The following ACTN4 variants were observed in gnomAD, a reference collection of about 807,000 sequenced individuals.
The protein encoded by ACTN4 is alpha-actinin-4.
Under a neutral mutation model 114.2 loss-of-function variants are expected in ACTN4, and 18 were observed. That is an observed-to-expected ratio of 0.16 (90% CI 0.11 to 0.23). The LOEUF is 0.23. Among genes scored for constraint, ACTN4 ranks in the 10% least tolerant of loss-of-function variants. The pLI is 1.00. For missense variants in ACTN4, 722 were observed against 1,262.9 expected, an observed-to-expected ratio of 0.57 and a Z score of 6.49; for synonymous variants, 515 against 506.3, an observed-to-expected ratio of 1.02 and a Z score of -0.23.
At chr19:38,718,233 ATGC>A (rs988559730) in intron 11 of ACTN4, 159 bp downstream of exon 11, 14 of 1,303,954 alleles carry the variant, frequency 1.1e-5, no homozygotes, top group Non-Finnish European at 4.3e-6. Flanking sequence ...TGTGTCAGAA[ATGC>A]TGCTTTAGAG....
At chr19:38,720,201 G>C (rs1053671903) in intron 11 of ACTN4, among the ~76,000 whole-genome samples, 1 of 152,240 alleles carries the variant, frequency 6.6e-6, no homozygotes, top group Non-Finnish European at 1.5e-5. Context: ...AGCCCGCAGC[G>C]GGAGGGTCGT....
chr19:38,695,840 C>T (rs1968074213), intron 1 of ACTN4, among the ~76,000 whole-genome samples: 1 of 148,754 alleles, frequency 6.7e-6, no homozygotes, highest in Non-Finnish European at 1.5e-5. Flanking sequence ...CTTGGTGCCC[C>T]CCCACCCCGC....
intron 1 of ACTN4, among the ~76,000 whole-genome samples, chr19:38,695,076 T>C (rs1968050697): frequency 6.6e-6 from 1 of 152,208 alleles, no homozygotes; most frequent in Non-Finnish European, 1.5e-5. Flanking sequence ...GGTTTTGCCA[T>C]GTTGCCTAGG....
chr19:38,693,274 C>T (rs1020595725), intron 1 of ACTN4, among the ~76,000 whole-genome samples: 1 of 152,176 alleles, frequency 6.6e-6, no homozygotes, highest in Non-Finnish European at 1.5e-5. Flanking sequence ...CATGCTCACC[C>T]CTCCTGAGGG....
Position 38,681,109 on chromosome 19 carries a change from G to A in ACTN4, c.163-19491G>A, listed in dbSNP as rs578198775. Among the ~76,000 whole-genome samples, 28 of 121,402 alleles carry A rather than the reference G, an allele frequency of 2.3e-4. No individual in the cohort carries two copies. The Admixed American group carries it at 2.7e-3, about 12-fold the overall frequency. The allele number at this position is 121,402 out of a possible 152,430, so 79.6% of individuals were successfully genotyped here. On this transcript the variant is annotated intron_variant, in intron 1 of 20. Coordinates refer to ENST00000252699, the MANE Select transcript of ACTN4 (RefSeq NM_004924.6). ...CCACTGTACTCTAGCCTGGGTGACAGAGTGAGACTCCAATCTCTAGAAAAA... is the reference window on the plus strand; with the variant it reads ...CCACTGTACTCTAGCCTGGGTGACAAAGTGAGACTCCAATCTCTAGAAAAA...
At chr19:38,666,344 G>A (rs1328312517) in intron 1 of ACTN4, among the ~76,000 whole-genome samples, 2 of 152,218 alleles carry the variant, frequency 1.3e-5, no homozygotes, top group Admixed American at 6.5e-5. Flanking sequence ...ATGTTACAAC[G>A]GAGTGACAAC....
At chr19:38,660,977 G>T (rs1246078286) in intron 1 of ACTN4, among the ~76,000 whole-genome samples, 1 of 151,994 alleles carries the variant, frequency 6.6e-6, no homozygotes, top group Non-Finnish European at 1.5e-5. Flanking sequence ...CTTAACGGAT[G>T]AGAAAGAGAG....
chr19:38,659,065 C>CTTTTTTCTT (rs1976797290), intron 1 of ACTN4, among the ~76,000 whole-genome samples: 3 of 111,692 alleles, frequency 2.7e-5, no homozygotes, highest in Non-Finnish European at 3.6e-5. Context: ...CTTTTCTTTT[C>CTTTTTTCTT]TTTTTTTTTT....
intron 8 of ACTN4, 26 bp from the exon 9 acceptor site, chr19:38,714,442 CA>C: frequency 6.2e-7 from 1 of 1,610,446 alleles, no homozygotes; most frequent in Admixed American, 1.7e-5. Context: ...AGCCCCCAGG[CA>C]GCCCTGACTG....
At chr19:38,687,653 A>T (rs968895833) in intron 1 of ACTN4, among the ~76,000 whole-genome samples, 1 of 152,252 alleles carries the variant, frequency 6.6e-6, no homozygotes, top group African/African-American at 2.4e-5. Context: ...TCAGATACCT[A>T]AATGTAAGAG....
intron 5 of ACTN4, 43 bp downstream of exon 5, chr19:38,706,174 C>G: frequency 6.3e-7 from 1 of 1,584,416 alleles, no homozygotes; most frequent in Middle Eastern, 1.7e-4. Flanking sequence ...CTCTAGGAAC[C>G]TGAGATCCTT....
intron 6 of ACTN4, 115 bp downstream of exon 6, chr19:38,708,310 C>T (rs1203243349): frequency 6.9e-6 from 8 of 1,163,896 alleles, no homozygotes; most frequent in Middle Eastern, 2.7e-4. Flanking sequence ...GGGTTCTGCA[C>T]GCAGATGGGC....
Position 38,717,380 on chromosome 19 carries a change from G to A in ACTN4, c.1143+64G>A, listed in dbSNP as rs1209256467. ...CAGAGGCAGCCCTAGAACTGCCTGT[G>A]GGCAGTTTGGCCAGCGTAATCTTTC... On this transcript the variant is annotated intron_variant, in intron 10 of 20. Coordinates refer to ENST00000252699, the MANE Select transcript of ACTN4 (RefSeq NM_004924.6). The surrounding 1 kb of genome is among the most constrained non-coding windows in gnomAD (Gnocchi z 4.0). The A allele has an allele frequency of 3.2e-6, 5 of 1,568,486 alleles. No individual in the cohort carries two copies. The African/African-American group carries it at 5.4e-5, about 17-fold the overall frequency.
chr19:38,700,854 G>A, intron 2 of ACTN4, 140 bp downstream of exon 2: 1 of 1,386,588 alleles, frequency 7.2e-7, no homozygotes, highest in Non-Finnish European at 1.0e-6. Flanking sequence ...ACGGTGGTCT[G>A]ATGGGTGGGG....
intron 8 of ACTN4, 51 bp from the exon 9 acceptor site, chr19:38,714,400 AAGGGACGTGCCCGTCAGG>A: frequency 6.9e-7 from 1 of 1,459,568 alleles, no homozygotes; most frequent in Non-Finnish European, 9.6e-7. Flanking sequence ...AGCTGCTTTC[AAGGGACGTGCCCGTCAGG>A]AGGGAGGGTG....
rs958106031 is a variant in ACTN4, at chr19:38,729,580, GCTCTCTC to G, written c.*156_*162del. The stretch of plus-strand genomic sequence containing the variant: ...GGTGGGCAGGGAGGGGCTGGGGCAG[GCTCTCTC>G]CTCTCTCTCTTTGTGGGTTGGCCAG... On this transcript the variant is annotated 3_prime_UTR_variant, in exon 21 of 21. Coordinates refer to ENST00000252699, the MANE Select transcript of ACTN4 (RefSeq NM_004924.6). 24 of 1,056,056 alleles carry G rather than the reference GCTCTCTC, an allele frequency of 2.3e-5. No individual in the cohort carries two copies. The Admixed American group carries it at 3.2e-4, about 14-fold the overall frequency. 65.4% of individuals were successfully genotyped at this position (1,056,056 alleles called of 1,614,324 possible).
rs537636261 is a variant in ACTN4, at chr19:38,700,954, T to C, written c.278-48T>C. 4.5e-5 allele frequency: 73 copies of C among 1,605,938 alleles called. 1 individual carries two copies. In the South Asian group the frequency reaches 7.1e-4, roughly 16 times the overall value. ...TCTCTCCCTCTCGCCCTCTCTCCCT[T>C]TCTCTCTCTCTGTCTCGCCCCCTCT... On this transcript the variant is annotated intron_variant, in intron 2 of 20. Coordinates refer to ENST00000252699, the MANE Select transcript of ACTN4 (RefSeq NM_004924.6).
At chr19:38,693,236 G>T (rs1442954843) in intron 1 of ACTN4, among the ~76,000 whole-genome samples, 2 of 151,904 alleles carry the variant, frequency 1.3e-5, no homozygotes, top group African/African-American at 4.8e-5. Flanking sequence ...ATCCAGTCTG[G>T]ATCATGTGCT....
chr19:38,714,146 T>A (rs1044054012), intron 8 of ACTN4, among the ~76,000 whole-genome samples: 1 of 152,070 alleles, frequency 6.6e-6, no homozygotes, highest in Admixed American at 6.6e-5. Flanking sequence ...CAGTCTTAGG[T>A]CCAACGCAGC....
Sources: allele counts gnomAD v4.1 joint callset (sites outside exome capture counted in the v4.1 genomes callset), GRCh38; gene constraint gnomAD v4.1.1; non-coding constraint Gnocchi (gnomAD v3.1); transcripts MANE v1.5; gene names NCBI Gene and HGNC (gene_info 2026-07-23, HGNC 2026-07-21).